ACSL6: variants seen among roughly 807,000 people sequenced by gnomAD.
The protein encoded by ACSL6 is acyl-CoA synthetase long chain family member 6, also known as long-chain-fatty-acid--CoA ligase 6.
In ACSL6, 47 loss-of-function variants were observed where a neutral mutation model predicts 98.2. The observed-to-expected ratio is 0.48, with a 90% CI of 0.38 to 0.61. The LOEUF (loss-of-function observed/expected upper bound fraction) is 0.61, where lower values mean the gene tolerates loss of function less well. ACSL6 is among the 20% of genes least tolerant of loss of function. The pLI is 0.00. For synonymous variants in ACSL6, 362 were observed against 336.9 expected (o/e 1.07, Z -0.82); for missense variants, 761 against 913.4 (o/e 0.83, Z 2.15).
intron 1 of ACSL6, among the ~76,000 whole-genome samples, chr5:132,005,785 G>A (rs1378362244): frequency 6.6e-6 from 1 of 152,192 alleles, no homozygotes; most frequent in Non-Finnish European, 1.5e-5. Context: ...TCAGTCCCTT[G>A]GAATCCACAT....
chr5:131,998,003 A>G (rs993879334), intron 1 of ACSL6, among the ~76,000 whole-genome samples: 1 of 152,210 alleles, frequency 6.6e-6, no homozygotes, highest in African/African-American at 2.4e-5. Context: ...TGGGGAGGGC[A>G]GAGCCTAGGC....
At chr5:131,976,157 T>G in intron 10 of ACSL6, 1 of 985,478 alleles carries the variant, frequency 1.0e-6, no homozygotes, top group Non-Finnish European at 1.2e-6. Flanking sequence ...GGCCAAGACA[T>G]CAAAGCTTTT....
intron 11 of ACSL6, 166 bp from the exon 12 acceptor site, chr5:131,973,566 A>C: frequency 1.8e-6 from 1 of 568,530 alleles, no homozygotes; most frequent in Non-Finnish European, 2.9e-6. Context: ...GGTGACCCCC[A>C]CCCCCTCACC....
intron 10 of ACSL6, chr5:131,976,210 A>C (rs1753602079): frequency 1.0e-6 from 1 of 985,340 alleles, no homozygotes; most frequent in Non-Finnish European, 1.2e-6. Flanking sequence ...ATAAATTAGC[A>C]GTTGCCGTTG....
intron 1 of ACSL6, among the ~76,000 whole-genome samples, chr5:132,005,287 A>G (rs1755341860): frequency 6.6e-6 from 1 of 152,260 alleles, no homozygotes; most frequent in South Asian, 2.1e-4. Flanking sequence ...CCTGGGGTCT[A>G]TGTGGCTTCA....
chr5:132,001,671 G>C (rs933896422), intron 1 of ACSL6: 1 of 152,178 alleles, frequency 6.6e-6, no homozygotes, highest in Non-Finnish European at 1.5e-5. Context: ...GCCCAGCTAA[G>C]GCTGGCTGTG....
chr5:131,991,241 A>T (rs181673972), intron 2 of ACSL6, among the ~76,000 whole-genome samples: 8 of 152,318 alleles, frequency 5.3e-5, no homozygotes, highest in African/African-American at 1.9e-4. Context: ...CACATACAGC[A>T]TTCACACAGC....
In ACSL6 at chr5:131,988,244, G is replaced by A. The variant is rs1754304406; in HGVS notation, c.653-18C>T. The A allele has an allele frequency of 2.5e-6, 4 of 1,612,904 alleles. No individual in the cohort carries two copies. Among genetic ancestry groups the A allele is most frequent in the East Asian group, 4.5e-5 (2 of 44,856 alleles). ...GATGTCCGCTGCAGGGGGCCATCAAGGAGAGTCAGGCCATGTGGGCCCAGG... is the reference window on the plus strand; with the variant it reads ...GATGTCCGCTGCAGGGGGCCATCAAAGAGAGTCAGGCCATGTGGGCCCAGG... On this transcript the variant is annotated intron_variant, in intron 6 of 20. Coordinates refer to ENST00000651883, the MANE Select transcript of ACSL6 (RefSeq NM_001009185.3).
At chr5:131,970,677 G>A (rs1753258897) in intron 14 of ACSL6, among the ~76,000 whole-genome samples, 1 of 152,092 alleles carries the variant, frequency 6.6e-6, no homozygotes, top group Non-Finnish European at 1.5e-5. Flanking sequence ...CCAAAGTGCT[G>A]GGATTATAGG....
chr5:132,003,342 C>T (rs564886480), intron 1 of ACSL6, among the ~76,000 whole-genome samples: 9 of 152,208 alleles, frequency 5.9e-5, no homozygotes, highest in South Asian at 2.1e-4. Context: ...CGGCAGCAAG[C>T]GGTCAAGTTC....
At chr5:131,966,579 CAGG>C in intron 16 of ACSL6, 47 bp from the exon 17 acceptor site, 1 of 1,545,662 alleles carries the variant, frequency 6.5e-7, no homozygotes, top group African/African-American at 1.4e-5. Context: ...CATGAGGAAT[CAGG>C]AGATGGGAAG....
intron 1 of ACSL6, among the ~76,000 whole-genome samples, chr5:132,009,388 G>A (rs916129089): frequency 7.2e-5 from 11 of 152,348 alleles, no homozygotes; most frequent in African/African-American, 2.6e-4. Flanking sequence ...TGGGACCCTG[G>A]AGATGACAAG....
intron 4 of ACSL6, 74 bp from the exon 5 acceptor site, chr5:131,989,582 T>TA: frequency 7.9e-6 from 2 of 254,112 alleles, no homozygotes; most frequent in Admixed American, 7.0e-5. Context: ...CAGGAGGAAT[T>TA]CTTTTTTTTT....
chr5:131,964,207 T>C (rs1173453011), intron 17 of ACSL6, among the ~76,000 whole-genome samples: 3 of 152,142 alleles, frequency 2.0e-5, no homozygotes, highest in African/African-American at 4.8e-5. Flanking sequence ...GGGTTGTATA[T>C]AAAAGGAAAA....
intron 9 of ACSL6, among the ~76,000 whole-genome samples, chr5:131,978,543 C>T (rs138217374): frequency 6.6e-6 from 1 of 152,254 alleles, no homozygotes; most frequent in African/African-American, 2.4e-5. Context: ...CTGCAGCCAG[C>T]CCTCGCTCGG....
intron 1 of ACSL6, among the ~76,000 whole-genome samples, chr5:132,009,847 G>A (rs757618726): frequency 3.9e-5 from 6 of 152,040 alleles, no homozygotes; most frequent in East Asian, 1.9e-4. Flanking sequence ...TGATGACCCC[G>A]GTCACAAGTG....
At position 131,975,971 on chromosome 5, in the gene ACSL6, C is replaced by CATA. The variant is rs1753592614; in HGVS notation, c.990+674_990+676dup. 16 of 985,470 alleles carry CATA rather than the reference C, an allele frequency of 1.6e-5. 1 individual carries two copies. The South Asian group carries it at 7.0e-4, about 43-fold the overall frequency. The allele number at this position is 985,470 out of a possible 1,614,324, so 61.0% of individuals were successfully genotyped here. A position where few individuals can be genotyped will look rare whatever the true frequency, so the allele number is the denominator to read the frequency against. ...TACTAAGTGTTTGGGGCACACACTT[C>CATA]ATAATGTCATCTACCATGAATGTGG... On this transcript the variant is annotated intron_variant, in intron 10 of 20. Coordinates refer to ENST00000651883, the MANE Select transcript of ACSL6 (RefSeq NM_001009185.3).
rs1400039675 is a variant in ACSL6 at position 132,011,223 on chromosome 5, G to A, written c.49+282C>T. Among the ~76,000 whole-genome samples, 2 of 152,198 alleles carry A rather than the reference G, an allele frequency of 1.3e-5. No individual in the cohort carries two copies. The highest frequency in any genetic ancestry group is 2.9e-5 in the Non-Finnish European group (2 of 68,032). ...TCCGCGGATGGTCCTTGCCATCAGG[G>A]AAGGGGGACGCAAGAACTCGGCGGG... On this transcript the variant is annotated intron_variant, in intron 1 of 20. Transcript: ENST00000651883. The surrounding 1 kb of genome is among the most constrained non-coding windows in gnomAD (Gnocchi z 5.4).
Position 131,960,798 on chromosome 5 carries a change from A to G in ACSL6, c.1858-177T>C, listed in dbSNP as rs143603686. The stretch of plus-strand genomic sequence containing the variant: ...AATATATCATACCATTCATTTTCTG[A>G]TATATTCCCCTAGTTTTATATGAAA... On this transcript the variant is annotated intron_variant, in intron 18 of 20. Transcript: ENST00000651883. 1.4e-3 allele frequency: 739 copies of G among 514,034 alleles called. 5 individuals carry two copies. Among genetic ancestry groups the G allele is most frequent in the African/African-American group, 0.013 (662 of 50,910 alleles). 31.8% of individuals were successfully genotyped at this position (514,034 alleles called of 1,614,324 possible). A position where few individuals can be genotyped will look rare whatever the true frequency, so the allele number is the denominator to read the frequency against.
Sources: allele counts gnomAD v4.1 joint callset (sites outside exome capture counted in the v4.1 genomes callset), GRCh38; gene constraint gnomAD v4.1.1; non-coding constraint Gnocchi (gnomAD v3.1); transcripts MANE v1.5; gene names NCBI Gene and HGNC (gene_info 2026-07-23, HGNC 2026-07-21).